LMO7: variants seen among roughly 807,000 people sequenced by gnomAD.
LMO7 encodes the protein LIM domain 7.
In LMO7, 120 loss-of-function variants were observed where a neutral mutation model predicts 206.5. The observed-to-expected ratio is 0.58, with a 90% confidence interval of 0.50 to 0.68. The LOEUF (loss-of-function observed/expected upper bound fraction) is 0.68. Among genes scored for constraint, LMO7 ranks in the 30% least tolerant of loss-of-function variants. LMO7 has a pLI of 0.00. For synonymous variants in LMO7, 706 were observed against 681.5 expected (o/e 1.04, Z -0.56); for missense variants, 1,959 against 1,957.9 (o/e 1.00, Z -0.01).
intron 14 of LMO7, among the ~76,000 whole-genome samples, chr13:75,822,859 G>T (rs1002632781): frequency 1.4e-5 from 2 of 142,952 alleles, no homozygotes; most frequent in Non-Finnish European, 3.0e-5. Flanking sequence ...TTTTGCTCCA[G>T]CAAGCCTACT....
chr13:75,679,824 G>A (rs1238664417), intron 1 of LMO7, among the ~76,000 whole-genome samples: 5 of 152,156 alleles, frequency 3.3e-5, no homozygotes, highest in African/African-American at 1.2e-4. Flanking sequence ...CAAGTGATCC[G>A]CCTGCCTTGG....
chr13:75,759,172 A>G (rs2047939057), intron 3 of LMO7, among the ~76,000 whole-genome samples: 1 of 152,090 alleles, frequency 6.6e-6, no homozygotes, highest in Admixed American at 6.6e-5. Context: ...CATGGGGGAA[A>G]CTGCCCCCAT....
chr13:75,757,719 C>T (rs1391603615), intron 3 of LMO7, among the ~76,000 whole-genome samples: 2 of 151,998 alleles, frequency 1.3e-5, no homozygotes, highest in African/African-American at 4.8e-5. Flanking sequence ...TGTAGTGTCT[C>T]CCTTTATTCA....
chr13:75,802,870 C>T (rs537861921), intron 7 of LMO7, among the ~76,000 whole-genome samples: 2 of 152,246 alleles, frequency 1.3e-5, no homozygotes, highest in Non-Finnish European at 2.9e-5. Flanking sequence ...TTTAGGATAA[C>T]AGAATTGCAA....
chr13:75,803,030 C>A (rs1198311594), intron 7 of LMO7, among the ~76,000 whole-genome samples: 2 of 152,156 alleles, frequency 1.3e-5, no homozygotes, highest in Admixed American at 6.5e-5. Flanking sequence ...TAAAATTCCA[C>A]ATGTATGGAT....
At chr13:75,747,212 T>A (rs988201468) in intron 3 of LMO7, among the ~76,000 whole-genome samples, 1 of 152,206 alleles carries the variant, frequency 6.6e-6, no homozygotes, top group Admixed American at 6.6e-5. Flanking sequence ...AACTTAATCA[T>A]GCATTTTAAA....
chr13:75,855,232 C>G (rs989057128), intron 28 of LMO7, 28 bp from the exon 29 acceptor site: 1 of 1,417,408 alleles, frequency 7.1e-7, no homozygotes, highest in East Asian at 2.3e-5. Context: ...AGGTGAAAGC[C>G]TCCATTCCAT....
At chr13:75,812,494 A>T (rs2056514426) in intron 11 of LMO7, among the ~76,000 whole-genome samples, 1 of 151,156 alleles carries the variant, frequency 6.6e-6, no homozygotes, top group Non-Finnish European at 1.5e-5. Flanking sequence ...CCATGATTTT[A>T]TATTTGAGAA....
At chr13:75,663,390 G>A (rs181085434) in intron 1 of LMO7, among the ~76,000 whole-genome samples, 7 of 137,428 alleles carry the variant, frequency 5.1e-5, no homozygotes, top group Admixed American at 5.0e-4. Context: ...AATGTAAGAA[G>A]TATGTCAGTG....
At chr13:75,629,296 G>C (rs956770074) in intron 2 of LMO7, among the ~76,000 whole-genome samples, 2 of 152,092 alleles carry the variant, frequency 1.3e-5, no homozygotes, top group East Asian at 3.8e-4. Context: ...ACACACTCCA[G>C]TTAATAAACA....
chr13:75,777,651 T>TAAAC (rs1247983023), intron 4 of LMO7, among the ~76,000 whole-genome samples: 1 of 149,214 alleles, frequency 6.7e-6, no homozygotes, highest in Non-Finnish European at 1.5e-5. Context: ...TTTCTTGTTT[T>TAAAC]TTTTTTTTTT....
rs374469505 is a variant in LMO7 at position 75,623,405 on chromosome 13, C to T, written c.225+85C>T. 4.5e-5 allele frequency: 34 copies of T among 757,612 alleles called. 2 individuals carry two copies. Among genetic ancestry groups the T allele is most frequent in the Middle Eastern group, 5.4e-4 (2 of 3,692 alleles). The allele number at this position is 757,612 out of a possible 1,614,324, so 46.9% of individuals were successfully genotyped here. On this transcript the variant is annotated intron_variant, in intron 2 of 29. Coordinates refer to the LMO7 transcript ENST00000341547. ...TTGATACGGAGTCTTGCTCTGTTGCCCAGGGTGGAGTGCAGTGGTGCCATC... is the reference window on the plus strand; with the variant it reads ...TTGATACGGAGTCTTGCTCTGTTGCTCAGGGTGGAGTGCAGTGGTGCCATC...
intron 4 of LMO7, among the ~76,000 whole-genome samples, chr13:75,788,420 C>G (rs2052755718): frequency 6.8e-6 from 1 of 146,928 alleles, no homozygotes; most frequent in Admixed American, 6.9e-5. Context: ...TGCCATTGTA[C>G]CAGCCTGGGC....
chr13:75,684,649 T>C (rs2040827598), intron 1 of LMO7, among the ~76,000 whole-genome samples: 2 of 149,538 alleles, frequency 1.3e-5, no homozygotes, highest in African/African-American at 2.5e-5. Flanking sequence ...TAGGGTTAAA[T>C]AGAAGGAAAA....
Position 75,841,849 on chromosome 13 carries a change from G to C in LMO7, c.3897G>C (p.Glu1299Asp). 6.2e-7 allele frequency: 1 copy of C among 1,614,130 alleles called. No individual in the cohort carries two copies. Among genetic ancestry groups the C allele is most frequent in the Non-Finnish European group, 8.5e-7 (1 of 1,180,010 alleles). ...QLVIERERKWEQQLQEEQEQK... is the reference protein window; with the variant it reads ...QLVIERERKWDQQLQEEQEQK... Reference sequence around the variant, plus strand: ...TTATTGAGAGAGAGAGGAAATGGGAGCAACAGCTTCAGGAAGAGCAAGAGC... The same window carrying C: ...TTATTGAGAGAGAGAGGAAATGGGACCAACAGCTTCAGGAAGAGCAAGAGC... The change falls in exon 24 of 31, where the codon GAG becomes GAC. Residue 1299 changes from glutamate (E) to aspartate (D), a missense_variant. Glu to Asp is a conservative substitution (Grantham distance 45). Coordinates refer to ENST00000377534, the MANE Select transcript of LMO7 (RefSeq NM_001306080.2).
chr13:75,737,613 C>G (rs1241300697), intron 3 of LMO7, among the ~76,000 whole-genome samples: 1 of 146,200 alleles, frequency 6.8e-6, no homozygotes. Context: ...ATTAGCCGGG[C>G]GTGGTAGCGG....
chr13:75,678,209 A>G (rs887671290), intron 1 of LMO7, among the ~76,000 whole-genome samples: 2 of 152,194 alleles, frequency 1.3e-5, no homozygotes, highest in East Asian at 3.9e-4. Flanking sequence ...ATCCCTGAGG[A>G]ATCGTCACAC....
At chr13:75,663,592 G>A (rs1209954152) in intron 1 of LMO7, among the ~76,000 whole-genome samples, 4 of 151,798 alleles carry the variant, frequency 2.6e-5, no homozygotes, top group East Asian at 1.9e-4. Flanking sequence ...CACTACACCC[G>A]GCTAGTTTTT....
intron 4 of LMO7, among the ~76,000 whole-genome samples, chr13:75,767,952 C>A (rs1297849347): frequency 1.3e-5 from 2 of 152,040 alleles, no homozygotes; most frequent in Non-Finnish European, 2.9e-5. Context: ...GTGTGCTAAA[C>A]CCTGGTAATA....
Sources: allele counts gnomAD v4.1 joint callset (sites outside exome capture counted in the v4.1 genomes callset), GRCh38; gene constraint gnomAD v4.1.1; transcripts MANE v1.5; gene names NCBI Gene and HGNC (gene_info 2026-07-23, HGNC 2026-07-21).